ATXN7L1: variants seen among roughly 807,000 people sequenced by gnomAD.
ATXN7L1 encodes the protein ataxin-7-like protein 1.
Under a neutral mutation model 70.8 loss-of-function variants are expected in ATXN7L1, and 15 were observed. That is an observed-to-expected ratio of 0.21 (90% CI 0.14 to 0.33). The LOEUF (loss-of-function observed/expected upper bound fraction) is 0.33. ATXN7L1 is among the 10% of genes least tolerant of loss of function. ATXN7L1 has a pLI of 1.00. For synonymous variants in ATXN7L1, 440 were observed against 445.1 expected (o/e 0.99, Z 0.14); for missense variants, 975 against 1,097.1 (o/e 0.89, Z 1.57).
At chr7:105,653,809 C>T (rs955382804) in intron 4 of ATXN7L1, among the ~76,000 whole-genome samples, 1 of 152,032 alleles carries the variant, frequency 6.6e-6, no homozygotes, top group African/African-American at 2.4e-5. Flanking sequence ...TCCTTGAACA[C>T]CAGTGCTCCG....
intron 3 of ATXN7L1, among the ~76,000 whole-genome samples, chr7:105,730,354 A>T (rs1225242750): frequency 6.6e-6 from 1 of 152,198 alleles, no homozygotes; most frequent in Admixed American, 6.5e-5. Flanking sequence ...AGGGTATCCT[A>T]TAATAGGCCT....
intron 4 of ATXN7L1, among the ~76,000 whole-genome samples, chr7:105,658,405 ATAAGTG>A (rs749510867): frequency 6.6e-5 from 10 of 152,208 alleles, no homozygotes; most frequent in Non-Finnish European, 1.2e-4. Context: ...CAATTGTAAT[ATAAGTG>A]TAAGTATTTG....
At chr7:105,758,664 T>C (rs1800114481) in intron 3 of ATXN7L1, among the ~76,000 whole-genome samples, 1 of 152,214 alleles carries the variant, frequency 6.6e-6, no homozygotes, top group African/African-American at 2.4e-5. Flanking sequence ...ACCCAGTTTT[T>C]CCATGAGGGT....
intron 3 of ATXN7L1, among the ~76,000 whole-genome samples, chr7:105,750,434 C>T (rs2116384623): frequency 6.6e-6 from 1 of 151,830 alleles, no homozygotes; most frequent in Middle Eastern, 3.4e-3. Context: ...TGTCACCACA[C>T]CTGGCTAATT....
rs1484963368 is a variant in ATXN7L1 at position 105,638,147 on chromosome 7, C to A, written c.1202+206G>T. ...ATGACAGTGATGATAATAATGATGA[C>A]AGCAGTAAAATCTGTTGAACACTAT... On this transcript the variant is annotated intron_variant, in intron 7 of 11. Transcript: ENST00000419735. Among the ~76,000 whole-genome samples, 5 of 152,348 alleles carry A rather than the reference C, an allele frequency of 3.3e-5. No homozygotes were observed. The East Asian group carries it at 7.7e-4, about 23-fold the overall frequency.
intron 7 of ATXN7L1, among the ~76,000 whole-genome samples, chr7:105,636,234 A>C (rs747186461): frequency 6.6e-6 from 1 of 152,134 alleles, no homozygotes; most frequent in Non-Finnish European, 1.5e-5. Context: ...ATCTGTACTA[A>C]AAATACAAAA....
chr7:105,733,537 T>C lies in ATXN7L1; in HGVS notation c.355+55067A>G, dbSNP rs1377148254. ...ATCCACCCATCCATCCATCCATCCA[T>C]CCACCCATCCATCCATCCACCCATC... On this transcript the variant is annotated intron_variant, in intron 3 of 11. Coordinates refer to ENST00000419735, the MANE Select transcript of ATXN7L1 (RefSeq NM_020725.2). Among the ~76,000 whole-genome samples the C allele has an allele frequency of 1.6e-3, 167 of 106,972 alleles. 8 individuals are homozygous for C. Among genetic ancestry groups the C allele is most frequent in the African/African-American group, 5.6e-3 (149 of 26,736 alleles). The allele number at this position is 106,972 out of a possible 152,430, so 70.2% of individuals were successfully genotyped here.
intron 3 of ATXN7L1, among the ~76,000 whole-genome samples, chr7:105,720,779 C>T (rs971635947): frequency 1.3e-5 from 2 of 152,104 alleles, no homozygotes; most frequent in African/African-American, 4.8e-5. Flanking sequence ...TCCTTCTCTA[C>T]CGCAGAGGAG....
At chr7:105,694,050 C>CTT (rs34797129) in intron 3 of ATXN7L1, among the ~76,000 whole-genome samples, 33,047 of 139,180 alleles carry the variant, frequency 0.24, 4,289 homozygotes, top group Middle Eastern at 0.34. Flanking sequence ...AGAAGTGAGC[C>CTT]TTTTTTTTTT....
At chr7:105,758,728 AG>A (rs1800123954) in intron 3 of ATXN7L1, among the ~76,000 whole-genome samples, 1 of 152,260 alleles carries the variant, frequency 6.6e-6, no homozygotes, top group Non-Finnish European at 1.5e-5. Context: ...TACACTGCCC[AG>A]GGTAGAATGT....
rs908907771 is a variant in ATXN7L1 at position 105,825,032 on chromosome 7, C to T, written c.251-36324G>A. Among the ~76,000 whole-genome samples, 6 of 151,912 alleles carry T rather than the reference C, an allele frequency of 3.9e-5. No individual in the cohort carries two copies. In the South Asian group the frequency reaches 6.2e-4, roughly 16 times the overall value. Reference sequence around the variant, plus strand: ...GAAGATCCTAAAAGCTTTCAGAGAACGAAAGTGGTCTCACACAAGACTGGC... The same window carrying T: ...GAAGATCCTAAAAGCTTTCAGAGAATGAAAGTGGTCTCACACAAGACTGGC... On this transcript the variant is annotated intron_variant, in intron 2 of 11. Transcript: ENST00000419735.
chr7:105,736,579 C>T (rs1797402139), intron 3 of ATXN7L1, among the ~76,000 whole-genome samples: 1 of 152,310 alleles, frequency 6.6e-6, no homozygotes, highest in African/African-American at 2.4e-5. Flanking sequence ...TCTCTTACCC[C>T]TGATCATGCC....
At chr7:105,856,708 TAGC>T (rs1267659803) in intron 2 of ATXN7L1, among the ~76,000 whole-genome samples, 2 of 152,176 alleles carry the variant, frequency 1.3e-5, no homozygotes, top group Non-Finnish European at 2.9e-5. Context: ...CTTTTTTAGA[TAGC>T]AGATTGTTAA....
chr7:105,767,089 G>A (rs930057116), intron 3 of ATXN7L1, among the ~76,000 whole-genome samples: 1 of 152,234 alleles, frequency 6.6e-6, no homozygotes, highest in Admixed American at 6.5e-5. Flanking sequence ...GAGGCAGACA[G>A]ATAACAGGGG....
rs530154287 is a variant in ATXN7L1 at position 105,771,943 on chromosome 7, C to G, written c.355+16661G>C. 8.9e-5 allele frequency among the ~76,000 whole-genome samples: 13 copies of G among 145,910 alleles called. No homozygotes were observed. In the South Asian group the frequency reaches 2.8e-3, roughly 32 times the overall value. On this transcript the variant is annotated intron_variant, in intron 3 of 11. Coordinates refer to ENST00000419735, the MANE Select transcript of ATXN7L1 (RefSeq NM_020725.2). ...CAGAAAAGGAGAACAAAGAAGCAAA[C>G]AAAAAGCAATGTAAACGGAAATATA... is the stretch of plus-strand genomic sequence containing the variant.
intron 3 of ATXN7L1, among the ~76,000 whole-genome samples, chr7:105,692,276 G>A (rs1410651561): frequency 6.6e-6 from 1 of 152,162 alleles, no homozygotes; most frequent in Non-Finnish European, 1.5e-5. Flanking sequence ...TGGAGGCTTT[G>A]CTGCACATGT....
intron 3 of ATXN7L1, among the ~76,000 whole-genome samples, chr7:105,671,053 G>A (rs1000802643): frequency 2.8e-5 from 4 of 142,622 alleles, no homozygotes; most frequent in Non-Finnish European, 6.0e-5. Flanking sequence ...CTTGCAGTGA[G>A]CCAAGATGGC....
At chr7:105,715,657 C>G (rs1000917970) in intron 3 of ATXN7L1, among the ~76,000 whole-genome samples, 9 of 152,194 alleles carry the variant, frequency 5.9e-5, no homozygotes, top group African/African-American at 2.2e-4. Context: ...CACTCAGGGA[C>G]CAAGGAAATT....
At chr7:105,725,898 T>C (rs1795755484) in intron 3 of ATXN7L1, among the ~76,000 whole-genome samples, 1 of 143,504 alleles carries the variant, frequency 7.0e-6, no homozygotes, top group Admixed American at 7.1e-5. Context: ...CTTTTTTCTT[T>C]CTTTCTTTTT....
Sources: gnomAD v4.1 joint callset for allele counts (sites outside exome capture counted in the v4.1 genomes callset) on GRCh38, gnomAD v4.1.1 for gene constraint, MANE v1.5 for transcripts, NCBI Gene and HGNC (gene_info 2026-07-23, HGNC 2026-07-21) for gene names.